Variants in TRPC7 observed in about 807,000 individuals in gnomAD.
TRPC7 encodes short transient receptor potential channel 7.
TRPC7 carries 42 observed loss-of-function variants against 90.1 expected under a neutral mutation model. The observed-to-expected ratio is 0.47, with a 90% CI of 0.36 to 0.60. TRPC7 has a LOEUF of 0.60. Among genes scored for constraint, TRPC7 ranks in the 20% least tolerant of loss-of-function variants. The probability of loss-of-function intolerance (pLI) is 0.00; values close to 1 mark genes in which losing one functional copy is unlikely to be tolerated. For synonymous variants in TRPC7, 451 were observed against 436.3 expected (o/e 1.03, Z -0.42); for missense variants, 955 against 1,112.3 (o/e 0.86, Z 2.01).
Position 136,213,334 on chromosome 5 carries a change from A to T in TRPC7, c.*101T>A. The T allele has an allele frequency of 8.2e-7, 1 of 1,222,458 alleles. No homozygotes were observed. Among genetic ancestry groups the T allele is most frequent in the Non-Finnish European group, 1.2e-6 (1 of 867,738 alleles). The allele number at this position is 1,222,458 out of a possible 1,614,324, so 75.7% of individuals were successfully genotyped here. A position where few individuals can be genotyped will look rare whatever the true frequency, so the allele number is the denominator to read the frequency against. ...AGCCAGGAGATCCCCTTCGTGTCCT[A>T]GAGGAGTGGGCTGGGGACCCCTCCC... On this transcript the variant is annotated 3_prime_UTR_variant, in exon 12 of 12. Transcript: ENST00000513104.
chr5:136,334,763 G>A (rs1473916846), intron 2 of TRPC7, among the ~76,000 whole-genome samples: 1 of 152,182 alleles, frequency 6.6e-6, no homozygotes, highest in Non-Finnish European at 1.5e-5. Context: ...CAATTGAAAT[G>A]ACTTAATACA....
intron 1 of TRPC7, among the ~76,000 whole-genome samples, chr5:136,360,523 C>T (rs1219008536): frequency 6.6e-6 from 1 of 152,152 alleles, no homozygotes; most frequent in Non-Finnish European, 1.5e-5. Context: ...AAAATGTCCT[C>T]ACCATTTGAC....
chr5:136,272,661 G>A (rs151251731), intron 4 of TRPC7, among the ~76,000 whole-genome samples: 57 of 152,232 alleles, frequency 3.7e-4, no homozygotes, highest in African/African-American at 1.3e-3. Flanking sequence ...TCTATCTTGA[G>A]TTTCTTTTTT....
intron 2 of TRPC7, among the ~76,000 whole-genome samples, chr5:136,318,351 C>T (rs982012641): frequency 2.6e-5 from 4 of 152,150 alleles, no homozygotes; most frequent in African/African-American, 9.7e-5. Context: ...GCTCTACCTG[C>T]ATTATCTCAT....
At chr5:136,278,414 T>G (rs1757441114) in intron 3 of TRPC7, among the ~76,000 whole-genome samples, 1 of 152,202 alleles carries the variant, frequency 6.6e-6, no homozygotes, top group East Asian at 1.9e-4. Context: ...GGTGGCTGAC[T>G]CCCTGCACTT....
intron 7 of TRPC7, among the ~76,000 whole-genome samples, chr5:136,232,630 G>A (rs898433391): frequency 4.6e-5 from 7 of 152,196 alleles, no homozygotes; most frequent in Non-Finnish European, 1.0e-4. Context: ...TGGCCCTTTT[G>A]AGACTACGAA....
chr5:136,336,882 C>T (rs1002318196), intron 2 of TRPC7, among the ~76,000 whole-genome samples: 1 of 152,150 alleles, frequency 6.6e-6, no homozygotes, highest in Non-Finnish European at 1.5e-5. Flanking sequence ...ATTATTTAGT[C>T]TAAGCATCTG....
chr5:136,235,044 A>G (rs1339450171), intron 7 of TRPC7, among the ~76,000 whole-genome samples: 1 of 152,244 alleles, frequency 6.6e-6, no homozygotes, highest in Non-Finnish European at 1.5e-5. Context: ...AATTTATTAC[A>G]TAATTCTGGG....
At chr5:136,296,707 A>G (rs1758187116) in intron 3 of TRPC7, among the ~76,000 whole-genome samples, 1 of 152,236 alleles carries the variant, frequency 6.6e-6, no homozygotes, top group South Asian at 2.1e-4. Flanking sequence ...AAACCTGTAA[A>G]CAAAAATAAT....
intron 6 of TRPC7, among the ~76,000 whole-genome samples, chr5:136,249,732 T>C (rs1269445572): frequency 6.6e-6 from 1 of 152,212 alleles, no homozygotes; most frequent in East Asian, 1.9e-4. Context: ...CTGTGATGAT[T>C]TGGACAAAGG....
At chr5:136,262,940 A>G (rs1310402371) in intron 5 of TRPC7, among the ~76,000 whole-genome samples, 1 of 152,228 alleles carries the variant, frequency 6.6e-6, no homozygotes. Context: ...GATGTTGTGC[A>G]GCAGAGCTCC....
At chr5:136,299,042 G>T (rs1758279401) in intron 3 of TRPC7, among the ~76,000 whole-genome samples, 1 of 152,030 alleles carries the variant, frequency 6.6e-6, no homozygotes, top group Non-Finnish European at 1.5e-5. Context: ...GCTCATGCTT[G>T]TAATCCCAGC....
chr5:136,243,644 C>T lies in TRPC7; in HGVS notation c.1844+3827G>A, dbSNP rs142900467. Among the ~76,000 whole-genome samples the T allele has an allele frequency of 4.1e-3, 609 of 149,996 alleles. 3 individuals are homozygous for T. The highest frequency in any genetic ancestry group is 0.013 in the African/African-American group (549 of 40,788). ...GAACAGCTTTGAGTATCCTAAGGCA[C>T]GAGTCTCATTTATTCTCACATGGCT... On this transcript the variant is annotated intron_variant, in intron 7 of 11. Coordinates refer to ENST00000513104, the MANE Select transcript of TRPC7 (RefSeq NM_020389.3).
intron 1 of TRPC7, among the ~76,000 whole-genome samples, chr5:136,361,987 A>G (rs1425896509): frequency 2.0e-5 from 3 of 152,164 alleles, no homozygotes; most frequent in Admixed American, 1.3e-4. Flanking sequence ...CTTTATACAA[A>G]TGTTCATGAC....
intron 2 of TRPC7, among the ~76,000 whole-genome samples, chr5:136,332,346 C>T (rs1759528665): frequency 6.6e-6 from 1 of 152,106 alleles, no homozygotes; most frequent in African/African-American, 2.4e-5. Context: ...CCCCGACAGG[C>T]ACCTGCACGG....
chr5:136,252,939 G>GTA (rs1756569630), intron 5 of TRPC7, among the ~76,000 whole-genome samples: 2 of 152,328 alleles, frequency 1.3e-5, no homozygotes, highest in South Asian at 4.1e-4. Context: ...TGAGCTAATA[G>GTA]TTGATGAGTA....
intron 5 of TRPC7, among the ~76,000 whole-genome samples, chr5:136,256,223 GCTC>G: frequency 6.6e-6 from 1 of 152,096 alleles, no homozygotes; most frequent in South Asian, 2.1e-4. Flanking sequence ...CCCTCCCATT[GCTC>G]CTCCTCAGTT....
chr5:136,348,124 T>A (rs1462298888), intron 2 of TRPC7, among the ~76,000 whole-genome samples: 1 of 152,242 alleles, frequency 6.6e-6, no homozygotes, highest in Non-Finnish European at 1.5e-5. Flanking sequence ...AGAGTAGATC[T>A]TTCCAAACTG....
intron 3 of TRPC7, among the ~76,000 whole-genome samples, chr5:136,290,220 TA>T: frequency 6.6e-6 from 1 of 152,050 alleles, no homozygotes; most frequent in Non-Finnish European, 1.5e-5. Flanking sequence ...CTGGAAACTC[TA>T]AAAATCAGAG....
Sources: allele counts gnomAD v4.1 joint callset (sites outside exome capture counted in the v4.1 genomes callset), GRCh38; gene constraint gnomAD v4.1.1; transcripts MANE v1.5; gene names NCBI Gene and HGNC (gene_info 2026-07-23, HGNC 2026-07-21).